ASCC2: variants seen among roughly 807,000 people sequenced by gnomAD.
The protein encoded by ASCC2 is ASC-1 complex subunit P100.
A neutral mutation model predicts 93.5 loss-of-function variants in ASCC2; 42 were observed. The observed-to-expected ratio is 0.45, with a 90% CI of 0.35 to 0.58. The LOEUF (loss-of-function observed/expected upper bound fraction) is 0.58. Among genes scored for constraint, ASCC2 ranks in the 20% least tolerant of loss-of-function variants. The pLI, the probability that ASCC2 is intolerant of heterozygous loss-of-function variation, is 0.00. For synonymous variants in ASCC2, 364 were observed against 384.2 expected (o/e 0.95, Z 0.62); for missense variants, 859 against 977.6 (o/e 0.88, Z 1.62).
At chr22:29,807,204 C>A (rs558519758) in intron 9 of ASCC2, among the ~76,000 whole-genome samples, 5 of 138,332 alleles carry the variant, frequency 3.6e-5, no homozygotes, top group African/African-American at 1.4e-4. Flanking sequence ...TGGTGCCATT[C>A]CAGCCTGGGT....
At chr22:29,821,922 C>T (rs1156648042) in intron 5 of ASCC2, 2 of 451,890 alleles carry the variant, frequency 4.4e-6, no homozygotes, top group African/African-American at 2.0e-5. Context: ...TAGCTTTACT[C>T]CAGGAATGTG....
rs549062797 is a variant in ASCC2 at position 29,823,028 on chromosome 22, A to T, written c.412-564T>A. On this transcript the variant is annotated intron_variant, in intron 4 of 19. Coordinates refer to ENST00000307790, the MANE Select transcript of ASCC2 (RefSeq NM_032204.5). ...AGCCACAGTGCCCAGCCTCCCCTTT[A>T]AAAAAAATTTTTTTTTAAATTTTAT... is the stretch of plus-strand genomic sequence containing the variant. Among the ~76,000 whole-genome samples the T allele has an allele frequency of 1.1e-4, 15 of 142,076 alleles. 1 individual carries two copies. Among genetic ancestry groups the T allele is most frequent in the Admixed American group, 4.3e-4 (6 of 13,984 alleles). 93.2% of individuals were successfully genotyped at this position (142,076 alleles called of 152,430 possible). A position where few individuals can be genotyped will look rare whatever the true frequency, so the allele number is the denominator to read the frequency against.
At chr22:29,833,129 A>T (rs776606795) in intron 1 of ASCC2, among the ~76,000 whole-genome samples, 1 of 152,084 alleles carries the variant, frequency 6.6e-6, no homozygotes, top group Admixed American at 6.6e-5. Context: ...GATTCCCTTT[A>T]TTATGGCTCC....
At chr22:29,797,074 C>T (rs2058530981) in intron 15 of ASCC2, among the ~76,000 whole-genome samples, 1 of 152,188 alleles carries the variant, frequency 6.6e-6, no homozygotes, top group Non-Finnish European at 1.5e-5. Flanking sequence ...GGAGATGCAA[C>T]CTTGGCCCCA....
At chr22:29,810,458 G>T (rs1387775093) in intron 8 of ASCC2, among the ~76,000 whole-genome samples, 1 of 152,202 alleles carries the variant, frequency 6.6e-6, no homozygotes, top group Non-Finnish European at 1.5e-5. Flanking sequence ...GTAACAAAGG[G>T]TAACTAGGCC....
At position 29,790,471 on chromosome 22, in the gene ASCC2, T is replaced by C. The variant is rs1262244738; in HGVS notation, c.2100A>G (p.Lys700=). Residue 700 remains lysine (K), a splice_region_variant and synonymous_variant, in exon 19 of 20, where the codon AAA becomes AAG. Coordinates refer to ENST00000307790, the MANE Select transcript of ASCC2 (RefSeq NM_032204.5). Reference sequence around the variant, plus strand: ...GAAGCAGCCCCTTGAATGCTCACCCTTTCTTGGCGAGAAAGGCCATGCGCC... The same window carrying C: ...GAAGCAGCCCCTTGAATGCTCACCCCTTCTTGGCGAGAAAGGCCATGCGCC... The part of the protein sequence containing the change: ...EARRMAFLAK[K]GYRHDSSTAV... The C allele has an allele frequency of 1.2e-6, 2 of 1,614,090 alleles. No homozygotes were observed. The highest frequency in any genetic ancestry group is 3.3e-5 in the Admixed American group (2 of 60,030).
In ASCC2 at chr22:29,806,842, T is replaced by C; in HGVS notation, c.971A>G (p.His324Arg). 6.2e-7 allele frequency: 1 copy of C among 1,614,010 alleles called. No homozygotes were observed. The highest frequency in any genetic ancestry group is 8.5e-7 in the Non-Finnish European group (1 of 1,179,936). The stretch of plus-strand genomic sequence containing the variant: ...GAGGCAGATCTGGTTCAGGATGATG[T>C]GGAAAATCTCCATTAGCTTCTTCCT... ...HSRKKLMEIF[H>R]IILNQICLLP... The change falls in exon 10 of 20, where the codon CAC (histidine) becomes CGC (arginine). Residue 324 changes from histidine (H) to arginine (R), a missense_variant. Coordinates refer to ENST00000307790, the MANE Select transcript of ASCC2 (RefSeq NM_032204.5).
At position 29,802,183 on chromosome 22, in the gene ASCC2, C is replaced by A. The variant is rs1184292429; in HGVS notation, c.1379G>T (p.Gly460Val). 6.2e-7 allele frequency: 1 copy of A among 1,614,058 alleles called. No homozygotes were observed. Among genetic ancestry groups the A allele is most frequent in the Non-Finnish European group, 8.5e-7 (1 of 1,180,048 alleles). ...CAGTTCCACCCCACACATGGCAGGG[C>A]CCACAGCCGCGGCTGCTCCCATGCA... ...EECMGAAAAVGPAMCGVELDS... is the reference protein window; with the variant it reads ...EECMGAAAAVVPAMCGVELDS... Residue 460 changes from glycine (G) to valine (V), a missense_variant, in exon 14 of 20, where the codon GGC (glycine) becomes GTC (valine). Physicochemically the swap from Gly to Val is moderately radical, Grantham distance 109 (BLOSUM62 -3). Coordinates refer to ENST00000307790, the MANE Select transcript of ASCC2 (RefSeq NM_032204.5).
At chr22:29,793,767 G>T (rs2058075206) in intron 15 of ASCC2, 91 bp from the exon 16 acceptor site, 11 of 1,205,558 alleles carry the variant, frequency 9.1e-6, no homozygotes, top group Non-Finnish European at 1.3e-5. Context: ...AGGCTTAACT[G>T]CTCCAGCCCT....
Position 29,802,200 on chromosome 22 carries a change from T to C in ASCC2, c.1362A>G (p.Gly454=). The C allele has an allele frequency of 6.2e-7, 1 of 1,613,930 alleles. No individual in the cohort carries two copies. The highest frequency in any genetic ancestry group is 1.1e-5 in the South Asian group (1 of 91,070). ...PENSEEEECM[G]AAAAVGPAMC... is the part of the protein sequence containing the mutation. ...TGGCAGGGCCCACAGCCGCGGCTGC[T>C]CCCATGCACTGTAGTGAGAGCCAGA... The change falls in exon 14 of 20, where the codon GGA becomes GGG. Residue 454 remains glycine (G), a synonymous_variant. Transcript: ENST00000307790.
chr22:29,811,091 T>C (rs781741741), intron 8 of ASCC2, among the ~76,000 whole-genome samples: 3 of 152,212 alleles, frequency 2.0e-5, no homozygotes, highest in African/African-American at 4.8e-5. Flanking sequence ...ATCTATGGGA[T>C]CTGGTATTCC....
intron 14 of ASCC2, among the ~76,000 whole-genome samples, chr22:29,801,562 T>G (rs1409759048): frequency 2.0e-5 from 3 of 152,340 alleles, no homozygotes; most frequent in Middle Eastern, 6.8e-3. Flanking sequence ...TGGTTCCTGC[T>G]GTCCCATGGG....
Position 29,813,446 on chromosome 22 carries a change from G to T in ASCC2, c.817C>A (p.His273Asn). Residue 273 changes from histidine to asparagine, a missense_variant, in exon 8 of 20, where the codon CAC becomes AAC. By Grantham distance (68) the His-to-Asn change is moderately conservative. Transcript: ENST00000307790. ...CCGCCTTACCTGTAACAAAAGTCGT[G>T]CTTCTGGAAGGTCTGGCAAGCCAAA... ...FPLACQTFQK[H>N]DFCYRLASFY... The T allele has an allele frequency of 6.2e-7, 1 of 1,612,232 alleles. No individual in the cohort carries two copies. The highest frequency in any genetic ancestry group is 1.7e-4 in the Middle Eastern group (1 of 6,058).
chr22:29,830,874 C>T (rs949249627), intron 2 of ASCC2, among the ~76,000 whole-genome samples: 6 of 152,194 alleles, frequency 3.9e-5, no homozygotes, highest in South Asian at 2.1e-4. Context: ...ACCAGGCCAT[C>T]GCTCTCACAA....
rs750461996 is a variant in ASCC2 at position 29,792,481 on chromosome 22, C to T, written c.1974G>A (p.Glu658=). 3.7e-6 allele frequency: 6 copies of T among 1,613,930 alleles called. No individual in the cohort carries two copies. The highest frequency in any genetic ancestry group is 3.4e-6 in the Non-Finnish European group (4 of 1,179,976). ...CGTCTTCCTCATCGTCGTCATCCTC[C>T]TCCTGCCCTTCTCTAGGCACTTTGG... is the stretch of plus-strand genomic sequence containing the variant. The part of the protein sequence containing the change: ...LRTKVPREGQ[E]EDDDDEEDDA... The change falls in exon 18 of 20, where the codon GAG becomes GAA. Residue 658 remains glutamate (E), a synonymous_variant. Coordinates refer to ENST00000307790, the MANE Select transcript of ASCC2 (RefSeq NM_032204.5).
intron 8 of ASCC2, among the ~76,000 whole-genome samples, chr22:29,809,213 C>A: frequency 6.6e-6 from 1 of 150,820 alleles, no homozygotes. Context: ...GATTTTTTCC[C>A]AATCCCATTG....
At chr22:29,812,942 C>A (rs1049715151) in intron 8 of ASCC2, among the ~76,000 whole-genome samples, 2 of 151,012 alleles carry the variant, frequency 1.3e-5, no homozygotes, top group Non-Finnish European at 2.9e-5. Flanking sequence ...AGTGCAGTGG[C>A]GCGATCTCAG....
chr22:29,833,581 G>A (rs1334805950), intron 1 of ASCC2: 2 of 470,942 alleles, frequency 4.2e-6, no homozygotes, highest in Admixed American at 2.4e-5. Flanking sequence ...CTCCTGTCTT[G>A]CTGTCCAGTG....
At chr22:29,818,102 GAAAAAAA>G (rs34780837) in intron 5 of ASCC2, among the ~76,000 whole-genome samples, 1 of 118,844 alleles carries the variant, frequency 8.4e-6, no homozygotes, top group African/African-American at 3.1e-5. Context: ...GGATTGCTTG[GAAAAAAA>G]AAAAAAAAAG....
Sources: gnomAD v4.1 joint callset for allele counts (sites outside exome capture counted in the v4.1 genomes callset) on GRCh38, gnomAD v4.1.1 for gene constraint, MANE v1.5 for transcripts, NCBI Gene and HGNC (gene_info 2026-07-23, HGNC 2026-07-21) for gene names.